The following EMP2 variants were observed in gnomAD, a reference collection of about 807,000 sequenced individuals.
EMP2 encodes the protein epithelial membrane protein 2.
In EMP2, 19 loss-of-function variants were observed where a neutral mutation model predicts 13.7. The observed-to-expected ratio is 1.38, with a 90% CI of 0.97 to 2.03. The LOEUF is 2.03. EMP2 is among the 30% of genes most tolerant of loss of function. The probability of loss-of-function intolerance (pLI) is 0.00; values close to 1 mark genes in which losing one functional copy is unlikely to be tolerated. For missense variants in EMP2, 253 were observed against 220.7 expected, an observed-to-expected ratio of 1.15 and a Z score of -0.93; for synonymous variants, 97 against 84.7, an observed-to-expected ratio of 1.15 and a Z score of -0.80.
At chr16:10,535,038 T>A (rs1392090297) in intron 4 of EMP2, among the ~76,000 whole-genome samples, 6 of 152,234 alleles carry the variant, frequency 3.9e-5, no homozygotes, top group Non-Finnish European at 1.5e-5. Context: ...CTGGAGCCGC[T>A]GCCTATCAGT....
chr16:10,559,319 C>G (rs1435504728), intron 1 of EMP2, among the ~76,000 whole-genome samples: 1 of 152,244 alleles, frequency 6.6e-6, no homozygotes, highest in African/African-American at 2.4e-5. Context: ...CAGGAGTATT[C>G]AGGCGTCTGA....
chr16:10,571,072 C>A (rs1056459452), intron 1 of EMP2, among the ~76,000 whole-genome samples: 16 of 151,442 alleles, frequency 1.1e-4, no homozygotes, highest in Non-Finnish European at 2.1e-4. Flanking sequence ...GCCTGGCCAA[C>A]ACGGTGAAAC....
At chr16:10,542,991 G>A (rs564873597) in intron 3 of EMP2, among the ~76,000 whole-genome samples, 138 of 152,126 alleles carry the variant, frequency 9.1e-4, no homozygotes, top group Non-Finnish European at 1.5e-3. Context: ...GATTACAGGC[G>A]TGCACCACCA....
intron 3 of EMP2, among the ~76,000 whole-genome samples, chr16:10,543,061 G>T (rs1361795725): frequency 6.6e-6 from 1 of 152,170 alleles, no homozygotes; most frequent in Non-Finnish European, 1.5e-5. Context: ...GACCAGGCTG[G>T]TCTCAAACTC....
chr16:10,538,098 A>G (rs1391918312), intron 3 of EMP2, 24 bp from the exon 4 acceptor site: 15 of 1,609,398 alleles, frequency 9.3e-6, no homozygotes, highest in Non-Finnish European at 1.3e-5. Flanking sequence ...GCAGGGGCGC[A>G]GGACTGAGGA....
intron 1 of EMP2, among the ~76,000 whole-genome samples, chr16:10,567,919 A>G (rs1440048501): frequency 1.3e-5 from 2 of 152,156 alleles, no homozygotes; most frequent in Non-Finnish European, 2.9e-5. Flanking sequence ...AGATGAGAAA[A>G]CGGAGGGGTA....
At chr16:10,578,558 C>T (rs577861140) in intron 1 of EMP2, among the ~76,000 whole-genome samples, 2 of 152,330 alleles carry the variant, frequency 1.3e-5, no homozygotes, top group Non-Finnish European at 2.9e-5. Flanking sequence ...TCCTCCAGCC[C>T]GAGGTGGGGC....
At chr16:10,536,624 C>T (rs781446665) in intron 4 of EMP2, among the ~76,000 whole-genome samples, 24 of 152,178 alleles carry the variant, frequency 1.6e-4, no homozygotes, top group Non-Finnish European at 2.6e-4. Context: ...TTACAAATTA[C>T]CCAGTCTCGG....
intron 1 of EMP2, among the ~76,000 whole-genome samples, chr16:10,577,417 C>CA (rs1567212445): frequency 6.6e-6 from 1 of 152,134 alleles, no homozygotes; most frequent in East Asian, 1.9e-4. Context: ...TAGACTCCCC[C>CA]CTGGCCTGTC....
rs1181461761 is a variant in EMP2, at chr16:10,533,036, C to T, written c.373G>A (p.Asp125Asn). 2.5e-6 allele frequency: 4 copies of T among 1,610,846 alleles called. No homozygotes were observed. Among genetic ancestry groups the T allele is most frequent in the East Asian group, 2.2e-5 (1 of 44,742 alleles). The change falls in exon 5 of 5, where the codon GAC becomes AAC. Residue 125 changes from aspartate to asparagine, a missense_variant. By Grantham distance (23) the Asp-to-Asn change is conservative. Coordinates refer to ENST00000359543, the MANE Select transcript of EMP2 (RefSeq NM_001424.6). ...ACGGGATAGAATTTCGCGTTTTTGT[C>T]GTGAATGTCTTCACGCCTGTCTGTA... Reference protein sequence around the residue: ...IYTDRREDIHDKNAKFYPVTR... With the variant: ...IYTDRREDIHNKNAKFYPVTR...
intron 3 of EMP2, among the ~76,000 whole-genome samples, chr16:10,542,899 G>A (rs952204139): frequency 1.2e-4 from 18 of 152,204 alleles, no homozygotes; most frequent in African/African-American, 3.9e-4. Context: ...AGGGTGGAGC[G>A]CAGTGGCGTG....
intron 3 of EMP2, among the ~76,000 whole-genome samples, chr16:10,539,965 G>A (rs1454080261): frequency 6.6e-6 from 1 of 152,084 alleles, no homozygotes; most frequent in Non-Finnish European, 1.5e-5. Context: ...TGCTACCATT[G>A]TCCTGGAGTG....
chr16:10,575,234 ATTCTTTTTTTTTT>A (rs2050974995), intron 1 of EMP2, among the ~76,000 whole-genome samples: 2 of 53,374 alleles, frequency 3.7e-5, no homozygotes, highest in South Asian at 1.6e-3. Flanking sequence ...TGGAGCTTGC[ATTCTTTTTTTTTT>A]TTTTTTTTTT....
At chr16:10,549,549 C>G (rs1340141110) in intron 1 of EMP2, among the ~76,000 whole-genome samples, 1 of 152,186 alleles carries the variant, frequency 6.6e-6, no homozygotes, top group Non-Finnish European at 1.5e-5. Flanking sequence ...CTAATATCAA[C>G]ACTTGGTTCA....
Position 10,528,709 on chromosome 16 carries a change from C to A in EMP2, c.*4196G>T, listed in dbSNP as rs1308671851. On this transcript the variant is annotated 3_prime_UTR_variant, in exon 5 of 5. Coordinates refer to ENST00000359543, the MANE Select transcript of EMP2 (RefSeq NM_001424.6). ...TCACAAACCAAGATTCAAAATGAAC[C>A]TCTAGGCCTTGCCCTAACATTTCCC... 6.6e-6 allele frequency: 1 copy of A among 152,162 alleles called. No individual in the cohort carries two copies. Among genetic ancestry groups the A allele is most frequent in the Non-Finnish European group, 1.5e-5 (1 of 68,034 alleles). 9.4% of individuals were successfully genotyped at this position (152,162 alleles called of 1,614,324 possible).
At chr16:10,575,234 A>ATTTTTTTT (rs1261477826) in intron 1 of EMP2, among the ~76,000 whole-genome samples, 3 of 53,372 alleles carry the variant, frequency 5.6e-5, no homozygotes, top group South Asian at 8.0e-4. Flanking sequence ...TGGAGCTTGC[A>ATTTTTTTT]TTCTTTTTTT....
At chr16:10,577,315 G>A (rs1242997483) in intron 1 of EMP2, among the ~76,000 whole-genome samples, 1 of 152,128 alleles carries the variant, frequency 6.6e-6, no homozygotes, top group African/African-American at 2.4e-5. Context: ...TGCAGGACAG[G>A]TGCCCTCATC....
chr16:10,540,278 G>C (rs972862588), intron 3 of EMP2, among the ~76,000 whole-genome samples: 7 of 152,186 alleles, frequency 4.6e-5, no homozygotes, highest in African/African-American at 1.7e-4. Flanking sequence ...GGCAGAGGCA[G>C]GTGGATCACC....
At chr16:10,548,187 G>T (rs1002270005) in intron 1 of EMP2, among the ~76,000 whole-genome samples, 2 of 152,192 alleles carry the variant, frequency 1.3e-5, no homozygotes, top group African/African-American at 4.8e-5. Flanking sequence ...TGTGGAGGAG[G>T]AGGGTGAGGA....
Sources: allele counts gnomAD v4.1 joint callset (sites outside exome capture counted in the v4.1 genomes callset), GRCh38; gene constraint gnomAD v4.1.1; transcripts MANE v1.5; gene names NCBI Gene and HGNC (gene_info 2026-07-23, HGNC 2026-07-21).